The following ZNRF2 variants were observed in gnomAD, a reference collection of about 807,000 sequenced individuals.
The protein encoded by ZNRF2 is zinc and ring finger 2, also known as E3 ubiquitin-protein ligase ZNRF2.
A neutral mutation model predicts 20.4 loss-of-function variants in ZNRF2; 16 were observed. The observed-to-expected ratio is 0.79, with a 90% CI of 0.53 to 1.19. ZNRF2 has a LOEUF of 1.19. Ranked by LOEUF, ZNRF2 falls within the 50% of genes most tolerant of loss-of-function variation. ZNRF2 has a pLI of 0.00. For missense variants in ZNRF2, 363 were observed against 332.4 expected, an observed-to-expected ratio of 1.09 and a Z score of -0.72; for synonymous variants, 178 against 144.9, an observed-to-expected ratio of 1.23 and a Z score of -1.64.
At chr7:30,299,994 C>T (rs1167909007) in intron 1 of ZNRF2, among the ~76,000 whole-genome samples, 4 of 151,734 alleles carry the variant, frequency 2.6e-5, no homozygotes, top group Non-Finnish European at 4.4e-5. Context: ...CTGTGTTAGC[C>T]AGGATGGTCT....
At chr7:30,362,760 C>A (rs1463373716) in intron 4 of ZNRF2, among the ~76,000 whole-genome samples, 1 of 152,002 alleles carries the variant, frequency 6.6e-6, no homozygotes. Context: ...ACTAAAAATA[C>A]AAAAATTAGC....
At position 30,285,808 on chromosome 7, in the gene ZNRF2, T is replaced by G; in HGVS notation, c.451T>G (p.Ser151Ala). ...GATCGGCTCCTTACCAGCTCACCTC[T>G]CGCCGCACATGTTTGGAGGTACGGA... ...LVIGSLPAHL[S>A]PHMFGGFKCP... Residue 151 changes from serine to alanine, a missense_variant, in exon 1 of 5, where the codon TCG becomes GCG. By Grantham distance (99) the Ser-to-Ala change is moderately conservative. This residue lies in a region of ZNRF2 where 302 missense variants were observed against 231.5 expected (regional missense o/e 1.30). Transcript: ENST00000323037. 1 of 1,525,816 alleles carries G rather than the reference T, an allele frequency of 6.6e-7. No homozygotes were observed. The allele number at this position is 1,525,816 out of a possible 1,614,324, so 94.5% of individuals were successfully genotyped here. A position where few individuals can be genotyped will look rare whatever the true frequency, so the allele number is the denominator to read the frequency against.
At chr7:30,322,529 T>C (rs1206447740) in intron 1 of ZNRF2, among the ~76,000 whole-genome samples, 1 of 152,172 alleles carries the variant, frequency 6.6e-6, no homozygotes, top group Non-Finnish European at 1.5e-5. Context: ...GCCTATAGTT[T>C]CTGTTCTCTC....
intron 1 of ZNRF2, among the ~76,000 whole-genome samples, chr7:30,301,555 C>T (rs1799114467): frequency 1.3e-5 from 2 of 152,026 alleles, no homozygotes; most frequent in Admixed American, 6.6e-5. Context: ...TGGTTCGCTG[C>T]ATTCACTTTT....
At chr7:30,362,182 A>G (rs939458017) in intron 3 of ZNRF2, among the ~76,000 whole-genome samples, 195 bp from the exon 4 acceptor site, 1 of 152,180 alleles carries the variant, frequency 6.6e-6, no homozygotes, top group Admixed American at 6.5e-5. Context: ...AATTTTGCAA[A>G]GGTTTTTTTC....
In ZNRF2 at chr7:30,361,647, C is replaced by G. The variant is rs538249326; in HGVS notation, c.672-730C>G. 3.3e-5 allele frequency among the ~76,000 whole-genome samples: 5 copies of G among 152,224 alleles called. No individual in the cohort carries two copies. In the South Asian group the frequency reaches 1.0e-3, roughly 32 times the overall value. Reference sequence around the variant, plus strand: ...GAAATGTTCTATATCTATGCTGTCCCCTAGAGTAGTCGTGAGCCATGTTGC... The same window carrying G: ...GAAATGTTCTATATCTATGCTGTCCGCTAGAGTAGTCGTGAGCCATGTTGC... On this transcript the variant is annotated intron_variant, in intron 3 of 4. Transcript: ENST00000323037.
chr7:30,329,552 G>A (rs1270255612), intron 2 of ZNRF2, among the ~76,000 whole-genome samples: 1 of 152,094 alleles, frequency 6.6e-6, no homozygotes, highest in Non-Finnish European at 1.5e-5. Context: ...GTGAAAATAT[G>A]CTATAGTTGT....
chr7:30,321,627 C>G (rs574524355), intron 1 of ZNRF2, among the ~76,000 whole-genome samples: 1 of 152,070 alleles, frequency 6.6e-6, no homozygotes, highest in Non-Finnish European at 1.5e-5. Flanking sequence ...TTTTTAGGTT[C>G]ACAGTATTGC....
intron 2 of ZNRF2, among the ~76,000 whole-genome samples, chr7:30,342,598 G>A (rs895358260): frequency 6.6e-6 from 1 of 152,116 alleles, no homozygotes; most frequent in African/African-American, 2.4e-5. Context: ...TCCATTGTTA[G>A]TCTATCATTT....
intron 1 of ZNRF2, among the ~76,000 whole-genome samples, chr7:30,310,052 A>G (rs908827119): frequency 3.1e-4 from 47 of 152,190 alleles, no homozygotes; most frequent in Non-Finnish European, 1.2e-4. Context: ...TAGAGAGGTT[A>G]CTGCCATAGT....
At chr7:30,360,702 A>T (rs1295346074) in intron 3 of ZNRF2, among the ~76,000 whole-genome samples, 1 of 152,200 alleles carries the variant, frequency 6.6e-6, no homozygotes, top group Non-Finnish European at 1.5e-5. Context: ...CTCAAAAAAC[A>T]AAAAGCGAAA....
At chr7:30,365,071 A>G (rs1370775119) in intron 4 of ZNRF2, among the ~76,000 whole-genome samples, 2 of 151,238 alleles carry the variant, frequency 1.3e-5, no homozygotes, top group Non-Finnish European at 2.9e-5. Context: ...ACCTCTTAAT[A>G]CTATAGCACT....
At chr7:30,294,540 T>C (rs1798976456) in intron 1 of ZNRF2, among the ~76,000 whole-genome samples, 1 of 152,120 alleles carries the variant, frequency 6.6e-6, no homozygotes, top group South Asian at 2.1e-4. Context: ...CCTAGCACTT[T>C]GGGAGGCCCA....
chr7:30,343,393 G>A (rs1408026306), intron 2 of ZNRF2, among the ~76,000 whole-genome samples: 1 of 151,950 alleles, frequency 6.6e-6, no homozygotes, highest in Non-Finnish European at 1.5e-5. Context: ...TCAAAAAAAG[G>A]TCTTTAATAT....
intron 2 of ZNRF2, among the ~76,000 whole-genome samples, chr7:30,339,678 A>G (rs1332867875): frequency 6.6e-6 from 1 of 152,162 alleles, no homozygotes; most frequent in Non-Finnish European, 1.5e-5. Flanking sequence ...CTCATAGTAC[A>G]GTTTGAAGTC....
chr7:30,335,918 G>A (rs1799710543), intron 2 of ZNRF2, among the ~76,000 whole-genome samples: 1 of 152,106 alleles, frequency 6.6e-6, no homozygotes, highest in African/African-American at 2.4e-5. Flanking sequence ...AATGTCAGAG[G>A]CATCATAAAG....
chr7:30,324,270 A>C (rs1041141696), intron 2 of ZNRF2, among the ~76,000 whole-genome samples: 11 of 151,958 alleles, frequency 7.2e-5, no homozygotes, highest in African/African-American at 2.7e-4. Context: ...ACAGTGGCTC[A>C]CACCTGTAAT....
chr7:30,331,226 A>G (rs1799631023), intron 2 of ZNRF2, among the ~76,000 whole-genome samples: 1 of 152,186 alleles, frequency 6.6e-6, no homozygotes. Flanking sequence ...ATGAAAAATG[A>G]CAAATAAGGA....
chr7:30,346,490 A>G (rs957400673), intron 2 of ZNRF2, among the ~76,000 whole-genome samples: 1 of 151,988 alleles, frequency 6.6e-6, no homozygotes, highest in African/African-American at 2.4e-5. Flanking sequence ...TGCCTGGCCA[A>G]AGTTATTCTA....
Sources: gnomAD v4.1 joint callset for allele counts (sites outside exome capture counted in the v4.1 genomes callset) on GRCh38, gnomAD v4.1.1 for gene constraint, gnomAD v4.1.1 regional missense constraint, MANE v1.5 for transcripts, NCBI Gene and HGNC (gene_info 2026-07-23, HGNC 2026-07-21) for gene names.